Variants in JAZF1 observed in about 807,000 individuals in gnomAD.
JAZF1 encodes juxtaposed with another zinc finger protein 1.
In JAZF1, 8 loss-of-function variants were observed where a neutral mutation model predicts 26.4. The observed-to-expected ratio is 0.30, with a 90% CI of 0.18 to 0.55. The LOEUF is 0.55. Among genes scored for constraint, JAZF1 ranks in the 20% least tolerant of loss-of-function variants. JAZF1 has a pLI of 0.94. For synonymous variants in JAZF1, 126 were observed against 122.3 expected (o/e 1.03, Z -0.20); for missense variants, 199 against 322.0 (o/e 0.62, Z 2.92).
chr7:27,906,706 C>T (rs1583457781), intron 2 of JAZF1, among the ~76,000 whole-genome samples: 1 of 152,334 alleles, frequency 6.6e-6, no homozygotes, highest in East Asian at 1.9e-4. Flanking sequence ...AGCTACCATA[C>T]CACAAGTCTT....
rs1554289070 is a variant in JAZF1, at chr7:28,110,636, A to AAAGGAAAAGG, written c.115+69826_115+69827insCCTTTTCCTT. 3.3e-3 allele frequency among the ~76,000 whole-genome samples: 486 copies of AAAGGAAAAGG among 145,322 alleles called. 6 individuals carry two copies. The highest frequency in any genetic ancestry group is 0.012 in the African/African-American group (458 of 39,060). Reference sequence around the variant, plus strand: ...AAGGAAAAGGAAAGGAAAGGAAAGGAAAAGGAAAGGAAAGGAAAGGAAAAG... The same window carrying AAAGGAAAAGG: ...AAGGAAAAGGAAAGGAAAGGAAAGGAAAGGAAAAGGAAAGGAAAGGAAAGGAAAGGAAAAG... On this transcript the variant is annotated intron_variant, in intron 1 of 4. Coordinates refer to ENST00000283928, the MANE Select transcript of JAZF1 (RefSeq NM_175061.4).
chr7:27,905,993 C>T (rs1001761606), intron 2 of JAZF1, among the ~76,000 whole-genome samples: 3 of 152,170 alleles, frequency 2.0e-5, no homozygotes, highest in African/African-American at 2.4e-5. Flanking sequence ...TACAATTATT[C>T]TCTAGATGCA....
At chr7:27,949,188 G>C (rs1018205414) in intron 2 of JAZF1, among the ~76,000 whole-genome samples, 1 of 152,192 alleles carries the variant, frequency 6.6e-6, no homozygotes, top group Admixed American at 6.5e-5. Context: ...TGGGAGGCCA[G>C]GGAGAGTTGA....
intron 3 of JAZF1, among the ~76,000 whole-genome samples, chr7:27,863,417 T>C (rs1444658396): frequency 6.6e-6 from 1 of 152,138 alleles, no homozygotes; most frequent in Non-Finnish European, 1.5e-5. Flanking sequence ...GGGTGGCTGC[T>C]CAGCATTCAG....
At chr7:28,076,934 T>C (rs903747172) in intron 1 of JAZF1, among the ~76,000 whole-genome samples, 8 of 152,174 alleles carry the variant, frequency 5.3e-5, no homozygotes, top group Non-Finnish European at 4.4e-5. Flanking sequence ...TTTTGCTCTC[T>C]GCGGCTGAGT....
At chr7:27,969,067 T>C (rs192746113) in intron 2 of JAZF1, among the ~76,000 whole-genome samples, 17 of 152,324 alleles carry the variant, frequency 1.1e-4, no homozygotes, top group African/African-American at 1.9e-4. Flanking sequence ...CCTTTTCTGC[T>C]AACCTTAGTC....
intron 1 of JAZF1, among the ~76,000 whole-genome samples, chr7:28,105,268 T>C (rs913587090): frequency 6.6e-6 from 1 of 152,200 alleles, no homozygotes; most frequent in African/African-American, 2.4e-5. Context: ...AAATAGTTGT[T>C]TGGAACTCTT....
chr7:28,160,983 G>A (rs1192850976), intron 1 of JAZF1, among the ~76,000 whole-genome samples: 1 of 152,074 alleles, frequency 6.6e-6, no homozygotes, highest in Non-Finnish European at 1.5e-5. Context: ...TCCTGCATTA[G>A]AATGTAGCTG....
intron 1 of JAZF1, among the ~76,000 whole-genome samples, chr7:28,120,497 A>G (rs1204825998): frequency 6.6e-5 from 4 of 60,362 alleles, no homozygotes; most frequent in African/African-American, 2.3e-4. Flanking sequence ...AGCCACACAC[A>G]GTTCTTTTTT....
At chr7:28,120,281 C>A (rs530837571) in intron 1 of JAZF1, among the ~76,000 whole-genome samples, 1 of 151,596 alleles carries the variant, frequency 6.6e-6, no homozygotes, top group Non-Finnish European at 1.5e-5. Flanking sequence ...CTCCCTAGAA[C>A]GCCATGATCA....
At chr7:27,987,570 G>C (rs1466175178) in intron 2 of JAZF1, among the ~76,000 whole-genome samples, 1 of 151,680 alleles carries the variant, frequency 6.6e-6, no homozygotes, top group Admixed American at 6.6e-5. Flanking sequence ...AGGGAGGTGG[G>C]GGGCAGCCCC....
chr7:28,053,189 T>G (rs1028355861), intron 1 of JAZF1, among the ~76,000 whole-genome samples: 1 of 152,194 alleles, frequency 6.6e-6, no homozygotes, highest in African/African-American at 2.4e-5. Context: ...CCACTGTAAT[T>G]ACACACCACA....
intron 3 of JAZF1, chr7:27,864,131 C>G (rs1309444123): frequency 6.6e-6 from 1 of 152,214 alleles, no homozygotes; most frequent in African/African-American, 2.4e-5. Context: ...GCTAATGATG[C>G]ACAGAGGAGG....
intron 2 of JAZF1, among the ~76,000 whole-genome samples, chr7:27,927,306 T>C (rs1784616455): frequency 6.6e-6 from 1 of 152,162 alleles, no homozygotes; most frequent in African/African-American, 2.4e-5. Context: ...ACTAAAGAAA[T>C]GAACAAATAA....
Position 27,987,585 on chromosome 7 carries a change from C to T in JAZF1, c.188+4324G>A, listed in dbSNP as rs1321106447. On this transcript the variant is annotated intron_variant, in intron 2 of 4. Coordinates refer to ENST00000283928, the MANE Select transcript of JAZF1 (RefSeq NM_175061.4). ...AGGGAGGTGGGGGGCAGCCCCCGCC[C>T]GGCCAGCCGCCCCGTCCGGGAGGGA... is the stretch of plus-strand genomic sequence containing the variant. Among the ~76,000 whole-genome samples the T allele has an allele frequency of 9.2e-5, 14 of 151,524 alleles. 1 individual carries two copies. Among genetic ancestry groups the T allele is most frequent in the African/African-American group, 2.7e-4 (11 of 41,250 alleles).
chr7:27,915,473 G>A (rs980935789), intron 2 of JAZF1, among the ~76,000 whole-genome samples: 1 of 152,082 alleles, frequency 6.6e-6, no homozygotes, highest in South Asian at 2.1e-4. Context: ...TAATTTGATC[G>A]CTAGCACTTT....
chr7:28,164,283 G>A (rs979153373), intron 1 of JAZF1, among the ~76,000 whole-genome samples: 25 of 152,218 alleles, frequency 1.6e-4, no homozygotes, highest in African/African-American at 5.8e-4. Flanking sequence ...TTTTGGGATA[G>A]TTTGTGATGC....
chr7:28,024,700 T>C lies in JAZF1; in HGVS notation c.116-32719A>G, dbSNP rs77384896. On this transcript the variant is annotated intron_variant, in intron 1 of 4. Coordinates refer to ENST00000283928, the MANE Select transcript of JAZF1 (RefSeq NM_175061.4). ...TGCTTTGGAAGATAGGAAGTGATGATAAAATCTTTATTAAGCTTCCCAGAG... is the reference window on the plus strand; with the variant it reads ...TGCTTTGGAAGATAGGAAGTGATGACAAAATCTTTATTAAGCTTCCCAGAG... Among the ~76,000 whole-genome samples the C allele has an allele frequency of 0.027, 4,109 of 152,208 alleles. 323 individuals are homozygous for C. In the East Asian group the frequency reaches 0.32, roughly 12 times the overall value.
intron 3 of JAZF1, among the ~76,000 whole-genome samples, chr7:27,868,185 G>A (rs1402525899): frequency 1.3e-5 from 2 of 152,210 alleles, no homozygotes; most frequent in Non-Finnish European, 2.9e-5. Context: ...GAACAGACAC[G>A]TGAGTTCACA....
Sources: gnomAD v4.1 joint callset for allele counts (sites outside exome capture counted in the v4.1 genomes callset) on GRCh38, gnomAD v4.1.1 for gene constraint, MANE v1.5 for transcripts, NCBI Gene and HGNC (gene_info 2026-07-23, HGNC 2026-07-21) for gene names.